Variants in ZBTB7C observed in about 807,000 individuals in gnomAD.
ZBTB7C encodes the protein zinc finger and BTB domain-containing protein 7C.
Under a neutral mutation model 25.7 loss-of-function variants are expected in ZBTB7C, and 8 were observed. The ratio of observed to expected loss-of-function variants is 0.31; its 90% CI spans 0.18 to 0.56. ZBTB7C has a LOEUF of 0.56. ZBTB7C is among the 20% of genes least tolerant of loss of function. The probability of loss-of-function intolerance (pLI) is 0.91; values close to 1 mark genes in which losing one functional copy is unlikely to be tolerated. For missense variants in ZBTB7C, 824 were observed against 855.2 expected, an observed-to-expected ratio of 0.96 and a Z score of 0.46; for synonymous variants, 394 against 369.0, an observed-to-expected ratio of 1.07 and a Z score of -0.78.
At chr18:48,225,748 C>T (rs1029367839) in intron 2 of ZBTB7C, among the ~76,000 whole-genome samples, 1 of 151,942 alleles carries the variant, frequency 6.6e-6, no homozygotes, top group African/African-American at 2.4e-5. Flanking sequence ...GAAACACTTC[C>T]TAATTTTTTT....
chr18:48,350,580 G>C (rs1334071558), intron 1 of ZBTB7C: 3 of 152,150 alleles, frequency 2.0e-5, no homozygotes, highest in Non-Finnish European at 4.4e-5. Context: ...ATTTTGGAGA[G>C]GCCATTTCCT....
rs143325128 is a variant in ZBTB7C, at chr18:48,354,417, G to A, written c.-303-16019C>T. Among the ~76,000 whole-genome samples the A allele has an allele frequency of 8.5e-5, 13 of 152,198 alleles. No individual in the cohort carries two copies. The East Asian group carries it at 1.2e-3, about 14-fold the overall frequency. On this transcript the variant is annotated intron_variant, in intron 1 of 4. Coordinates refer to ENST00000590800, the MANE Select transcript of ZBTB7C (RefSeq NM_001318841.2). ...AATAGTCTCCTGTTGGAGTCTTTAC[G>A]TGCACGAACATCGTTCTCACAGACC...
At chr18:48,232,797 T>G (rs558687067) in intron 2 of ZBTB7C, among the ~76,000 whole-genome samples, 20 of 152,334 alleles carry the variant, frequency 1.3e-4, no homozygotes, top group Middle Eastern at 3.4e-3. Flanking sequence ...CTCAGCAGTT[T>G]CATTTGCATA....
intron 3 of ZBTB7C, among the ~76,000 whole-genome samples, chr18:48,070,708 A>T (rs1392120909): frequency 1.3e-5 from 2 of 152,218 alleles, no homozygotes; most frequent in African/African-American, 4.8e-5. Context: ...AGTGACAGGC[A>T]TCTGTACATG....
Position 48,204,094 on chromosome 18 carries a change from A to G in ZBTB7C, c.-78-18099T>C, listed in dbSNP as rs1431473237. ...TCAGGCCCTCACCCCTTCTCTCTGCAGTGCCTCCCTCCTTTTTGCATTCCT... is the reference window on the plus strand; with the variant it reads ...TCAGGCCCTCACCCCTTCTCTCTGCGGTGCCTCCCTCCTTTTTGCATTCCT... On this transcript the variant is annotated intron_variant, in intron 2 of 4. Transcript: ENST00000590800. Among the ~76,000 whole-genome samples the G allele has an allele frequency of 2.6e-5, 4 of 152,212 alleles. No homozygotes were observed. The East Asian group carries it at 7.7e-4, about 29-fold the overall frequency.
In ZBTB7C at chr18:48,235,575, A is replaced by G. The variant is rs1786804151; in HGVS notation, c.-78-49580T>C. On this transcript the variant is annotated intron_variant, in intron 2 of 4. Transcript: ENST00000590800. ...TACCAAGGTTTTTGTTCTCCATTGC[A>G]TCTTAGATCCTCCTTCTGCGACAAG... Among the ~76,000 whole-genome samples, 3 of 152,120 alleles carry G rather than the reference A, an allele frequency of 2.0e-5. No homozygotes were observed. In the South Asian group the frequency reaches 6.2e-4, roughly 31 times the overall value.
At chr18:48,213,186 C>A (rs1398395357) in intron 2 of ZBTB7C, among the ~76,000 whole-genome samples, 7 of 152,210 alleles carry the variant, frequency 4.6e-5, no homozygotes, top group Admixed American at 3.9e-4. Context: ...AGATGCGGGC[C>A]AGAATGGCTT....
chr18:48,361,207 C>G (rs2047097868), intron 1 of ZBTB7C, among the ~76,000 whole-genome samples: 1 of 152,304 alleles, frequency 6.6e-6, no homozygotes, highest in South Asian at 2.1e-4. Flanking sequence ...TGACAGAATA[C>G]AGAACACAAC....
chr18:48,101,901 T>A (rs1212034193), intron 3 of ZBTB7C, among the ~76,000 whole-genome samples: 1 of 152,196 alleles, frequency 6.6e-6, no homozygotes, highest in Non-Finnish European at 1.5e-5. Flanking sequence ...CTGACATCTC[T>A]GGCCATGGAA....
chr18:48,162,370 T>G (rs1004077879), intron 3 of ZBTB7C: 33 of 456,512 alleles, frequency 7.2e-5, no homozygotes, highest in Non-Finnish European at 1.4e-4. Flanking sequence ...CTTGGGCAAG[T>G]GACTTCTCTA....
chr18:48,157,780 T>G (rs978411457), intron 3 of ZBTB7C, among the ~76,000 whole-genome samples: 1 of 152,170 alleles, frequency 6.6e-6, no homozygotes, highest in African/African-American at 2.4e-5. Context: ...CCCGCTGGCA[T>G]ATATATCAGG....
At chr18:48,069,672 T>C (rs1215734418) in intron 3 of ZBTB7C, among the ~76,000 whole-genome samples, 1 of 151,902 alleles carries the variant, frequency 6.6e-6, no homozygotes, top group Non-Finnish European at 1.5e-5. Context: ...TTGTGCTATA[T>C]CTACATAATC....
At chr18:48,226,422 C>A (rs1340511342) in intron 2 of ZBTB7C, among the ~76,000 whole-genome samples, 1 of 152,190 alleles carries the variant, frequency 6.6e-6, no homozygotes, top group African/African-American at 2.4e-5. Flanking sequence ...ACACACTAAG[C>A]AAGGTACTAT....
At chr18:48,202,666 T>C (rs906190726) in intron 2 of ZBTB7C, among the ~76,000 whole-genome samples, 5 of 151,976 alleles carry the variant, frequency 3.3e-5, no homozygotes, top group African/African-American at 1.2e-4. Flanking sequence ...CTCTTTGTGA[T>C]TGCTTCCTCC....
chr18:48,040,129 C>T lies in ZBTB7C; in HGVS notation c.979G>A (p.Ala327Thr). ...LPGGPLGPIK[A>T]ENDYGAYLNF... ...AGATAGGCACCGTAGTCGTTCTCCG[C>T]CTTGATGGGTCCCAGAGGCCCCCCC... The change falls in exon 4 of 5, where the codon GCG (alanine) becomes ACG (threonine). Residue 327 changes from alanine (A) to threonine (T), a missense_variant. Coordinates refer to ENST00000590800, the MANE Select transcript of ZBTB7C (RefSeq NM_001318841.2). 1 of 1,592,054 alleles carries T rather than the reference C, an allele frequency of 6.3e-7. No individual in the cohort carries two copies.
chr18:48,154,582 T>C (rs1293577036), intron 3 of ZBTB7C, among the ~76,000 whole-genome samples: 2 of 152,252 alleles, frequency 1.3e-5, no homozygotes, highest in African/African-American at 4.8e-5. Context: ...TTTCCTTTCA[T>C]TTTAGAAAAT....
At chr18:48,234,552 C>A (rs1422001927) in intron 2 of ZBTB7C, among the ~76,000 whole-genome samples, 1 of 152,054 alleles carries the variant, frequency 6.6e-6, no homozygotes, top group Non-Finnish European at 1.5e-5. Context: ...GGGTGCAATA[C>A]GATTCACAGC....
intron 2 of ZBTB7C, among the ~76,000 whole-genome samples, chr18:48,234,747 C>T (rs2043335705): frequency 6.6e-6 from 1 of 152,040 alleles, no homozygotes; most frequent in South Asian, 2.1e-4. Context: ...GTTTGCTTAC[C>T]AGTTTTTGGG....
intron 4 of ZBTB7C, among the ~76,000 whole-genome samples, chr18:48,031,837 G>A (rs897241167): frequency 2.0e-5 from 3 of 152,196 alleles, no homozygotes; most frequent in Admixed American, 1.3e-4. Context: ...GGCAGGCCCG[G>A]GAGTCAAGGC....
Sources: allele counts gnomAD v4.1 joint callset (sites outside exome capture counted in the v4.1 genomes callset), GRCh38; gene constraint gnomAD v4.1.1; transcripts MANE v1.5; gene names NCBI Gene and HGNC (gene_info 2026-07-23, HGNC 2026-07-21).